Variants in TTC23 observed in about 807,000 individuals in gnomAD.
The protein encoded by TTC23 is tetratricopeptide repeat domain 23.
In TTC23, 58 loss-of-function variants were observed where a neutral mutation model predicts 55.1. The ratio of observed to expected loss-of-function variants is 1.05; its 90% CI spans 0.85 to 1.31. The LOEUF (loss-of-function observed/expected upper bound fraction) is 1.31, where lower values mean the gene tolerates loss of function less well. Among genes scored for constraint, TTC23 ranks in the 50% most tolerant of loss-of-function variants. The pLI is 0.00. For synonymous variants in TTC23, 203 were observed against 199.9 expected, an observed-to-expected ratio of 1.02 and a Z score of -0.13; for missense variants, 516 against 534.4, an observed-to-expected ratio of 0.97 and a Z score of 0.34.
chr15:99,146,490 C>T (rs2068872760), intron 12 of TTC23, among the ~76,000 whole-genome samples: 1 of 152,238 alleles, frequency 6.6e-6, no homozygotes, highest in African/African-American at 2.4e-5. Flanking sequence ...CTTTTCCCTC[C>T]ATCCCTGGCC....
At position 99,147,047 on chromosome 15, in the gene TTC23, T is replaced by G. The variant is rs1343598360; in HGVS notation, c.1144-7648A>C. Among the ~76,000 whole-genome samples, 5 of 151,208 alleles carry G rather than the reference T, an allele frequency of 3.3e-5. No individual in the cohort carries two copies. The East Asian group carries it at 9.7e-4, about 29-fold the overall frequency. ...CTCCTGCCTCAGCCTCCCAAGTAGC[T>G]GAGATTACAGGCACACGCCACCACA... is the stretch of plus-strand genomic sequence containing the variant. On this transcript the variant is annotated intron_variant, in intron 12 of 13. Coordinates refer to ENST00000394132, the MANE Select transcript of TTC23 (RefSeq NM_001288615.3).
chr15:99,173,390 A>C (rs970872264), intron 10 of TTC23, among the ~76,000 whole-genome samples: 6 of 152,174 alleles, frequency 3.9e-5, no homozygotes, highest in African/African-American at 1.4e-4. Flanking sequence ...CAGGAGTTCA[A>C]GACCATCCTT....
chr15:99,166,471 A>G (rs1386520925), intron 10 of TTC23, among the ~76,000 whole-genome samples: 1 of 152,090 alleles, frequency 6.6e-6, no homozygotes, highest in African/African-American at 2.4e-5. Context: ...CATATTTTCC[A>G]AAGAGGATGC....
Position 99,228,724 on chromosome 15 carries a change from C to G in TTC23, c.-12G>C. ...TGTGATTCTTGCATATTTTTATATA[C>G]ATTGTCTTCTAATTTTAAAATAAAA... is the stretch of plus-strand genomic sequence containing the variant. On this transcript the variant is annotated 5_prime_UTR_variant, in exon 5 of 14. It removes an upstream start codon present in the reference 5' UTR. Coordinates refer to ENST00000394132, the MANE Select transcript of TTC23 (RefSeq NM_001288615.3). The G allele has an allele frequency of 6.4e-7, 1 of 1,553,242 alleles. No individual in the cohort carries two copies. The highest frequency in any genetic ancestry group is 1.2e-5 in the South Asian group (1 of 82,018).
Position 99,228,528 on chromosome 15 carries a change from C to T in TTC23, c.180+5G>A. The T allele has an allele frequency of 6.2e-7, 1 of 1,601,026 alleles. No individual in the cohort carries two copies. Among genetic ancestry groups the T allele is most frequent in the Non-Finnish European group, 8.5e-7 (1 of 1,173,106 alleles). ...GTAGAAATACAGAAACAAAAGTCTC[C>T]TTACCTCATGACTGTTGGAATAGGA... On this transcript the variant is annotated splice_donor_5th_base_variant and intron_variant, in intron 5 of 13. Transcript: ENST00000394132.
intron 5 of TTC23, 109 bp downstream of exon 5, chr15:99,228,424 G>T: frequency 1.0e-6 from 1 of 994,830 alleles, no homozygotes; most frequent in Non-Finnish European, 1.4e-6. Context: ...ATACTTTCTT[G>T]TATCAAACTG....
rs772432892 is a variant in TTC23, at chr15:99,219,054, G to C, written c.305-6C>G. 6.2e-7 allele frequency: 1 copy of C among 1,613,066 alleles called. No individual in the cohort carries two copies. Among genetic ancestry groups the C allele is most frequent in the South Asian group, 1.1e-5 (1 of 90,952 alleles). On this transcript the variant is annotated splice_polypyrimidine_tract_variant and splice_region_variant and intron_variant, in intron 6 of 13. Transcript: ENST00000394132. ...TTTTGCTTGCAGTGACAGTCCTGTG[G>C]ACAAAGAAAAAGAGGTCTCAGTTTC...
intron 9 of TTC23, among the ~76,000 whole-genome samples, chr15:99,178,030 A>C (rs946311125): frequency 2.0e-5 from 3 of 152,150 alleles, no homozygotes; most frequent in Non-Finnish European, 4.4e-5. Context: ...AAAATAAAAA[A>C]AATTAGCCAG....
chr15:99,183,906 TG>T (rs2074413381), intron 9 of TTC23, among the ~76,000 whole-genome samples: 1 of 152,084 alleles, frequency 6.6e-6, no homozygotes, highest in African/African-American at 2.4e-5. Context: ...AATGATTTTG[TG>T]GGCCCAGGAC....
At chr15:99,240,144 A>G (rs1044852679) in intron 3 of TTC23, among the ~76,000 whole-genome samples, 49 of 152,224 alleles carry the variant, frequency 3.2e-4, no homozygotes, top group African/African-American at 1.0e-3. Flanking sequence ...AGATTTAACT[A>G]TATTTTCTTA....
intron 12 of TTC23, among the ~76,000 whole-genome samples, chr15:99,154,302 G>C (rs73480199): frequency 0.013 from 1,985 of 152,256 alleles, 57 homozygotes; most frequent in African/African-American, 0.045. Flanking sequence ...ATAAATGTTA[G>C]CATACAGAAT....
chr15:99,157,150 T>TA (rs5814926), intron 11 of TTC23: 1 of 149,746 alleles, frequency 6.7e-6, no homozygotes, highest in African/African-American at 2.5e-5. Flanking sequence ...TTTTTTTTTT[T>TA]AAATCCGTCT....
chr15:99,199,757 A>G (rs934503233), intron 9 of TTC23, among the ~76,000 whole-genome samples, 162 bp downstream of exon 9: 1 of 152,180 alleles, frequency 6.6e-6, no homozygotes, highest in African/African-American at 2.4e-5. Context: ...CCACGTGACC[A>G]CCTGATAAGA....
At chr15:99,186,085 T>C (rs1206024763) in intron 9 of TTC23, among the ~76,000 whole-genome samples, 2 of 152,220 alleles carry the variant, frequency 1.3e-5, no homozygotes, top group Non-Finnish European at 2.9e-5. Flanking sequence ...CCTTTCTGTA[T>C]CTTAGGTAAA....
intron 8 of TTC23, among the ~76,000 whole-genome samples, chr15:99,217,647 A>G (rs2152041710): frequency 6.6e-6 from 1 of 152,340 alleles, no homozygotes; most frequent in East Asian, 1.9e-4. Context: ...TGCACAGATG[A>G]GTGAGCTCTG....
chr15:99,207,083 A>C (rs1446271627), intron 8 of TTC23, among the ~76,000 whole-genome samples: 3 of 152,170 alleles, frequency 2.0e-5, no homozygotes, highest in Non-Finnish European at 4.4e-5. Flanking sequence ...AGGAGTCCTA[A>C]ATTTAAAAAT....
chr15:99,214,991 G>C (rs555852758), intron 8 of TTC23, among the ~76,000 whole-genome samples: 1 of 151,668 alleles, frequency 6.6e-6, no homozygotes, highest in South Asian at 2.1e-4. Context: ...GAGTAGCTGG[G>C]ATTACAGGTG....
chr15:99,138,919 G>A (rs1555488583), intron 13 of TTC23, among the ~76,000 whole-genome samples: 3 of 152,242 alleles, frequency 2.0e-5, no homozygotes, highest in Non-Finnish European at 2.9e-5. Flanking sequence ...GAGAAAGGAC[G>A]TAGGGGCCAG....
chr15:99,202,276 AG>A (rs2076260620), intron 8 of TTC23, among the ~76,000 whole-genome samples: 5 of 152,202 alleles, frequency 3.3e-5, no homozygotes, highest in African/African-American at 1.2e-4. Flanking sequence ...GGGATATTTG[AG>A]AGAAGGAAAA....
Sources: gnomAD v4.1 joint callset for allele counts (sites outside exome capture counted in the v4.1 genomes callset) on GRCh38, gnomAD v4.1.1 for gene constraint, MANE v1.5 for transcripts, NCBI Gene and HGNC (gene_info 2026-07-23, HGNC 2026-07-21) for gene names.